Variants in FBXL17 observed in about 807,000 individuals in gnomAD.
FBXL17 encodes the protein F-box/LRR-repeat protein 17.
FBXL17 carries 22 observed loss-of-function variants against 66.2 expected under a neutral mutation model. The ratio of observed to expected loss-of-function variants is 0.33; its 90% confidence interval spans 0.24 to 0.47. The LOEUF is 0.47. Among genes scored for constraint, FBXL17 ranks in the 20% least tolerant of loss-of-function variants. The pLI, the probability that FBXL17 is intolerant of heterozygous loss-of-function variation, is 1.00. For synonymous variants in FBXL17, 474 were observed against 400.5 expected (o/e 1.18, Z -2.19); for missense variants, 878 against 948.2 (o/e 0.93, Z 0.97).
chr5:108,273,231 C>T (rs1351809728), intron 4 of FBXL17, among the ~76,000 whole-genome samples: 5 of 151,976 alleles, frequency 3.3e-5, no homozygotes, highest in Non-Finnish European at 7.4e-5. Flanking sequence ...GGAGATATAC[C>T]TAATGCTAAA....
At chr5:108,328,510 G>A (rs545261988) in intron 4 of FBXL17, among the ~76,000 whole-genome samples, 1 of 152,060 alleles carries the variant, frequency 6.6e-6, no homozygotes, top group Admixed American at 6.5e-5. Context: ...AAAATGAAAA[G>A]AGCCATAGTA....
At chr5:107,983,816 A>T (rs1413382250) in intron 7 of FBXL17, among the ~76,000 whole-genome samples, 2 of 152,134 alleles carry the variant, frequency 1.3e-5, no homozygotes, top group Non-Finnish European at 2.9e-5. Context: ...ACACATCATA[A>T]ATAGAAATGG....
chr5:108,252,607 A>G (rs1756404110), intron 4 of FBXL17, among the ~76,000 whole-genome samples: 1 of 152,150 alleles, frequency 6.6e-6, no homozygotes, highest in South Asian at 2.1e-4. Flanking sequence ...GGTTATCTGT[A>G]AGTTGGCAAT....
At chr5:108,333,755 C>A (rs1760246308) in intron 4 of FBXL17, among the ~76,000 whole-genome samples, 1 of 152,000 alleles carries the variant, frequency 6.6e-6, no homozygotes, top group Non-Finnish European at 1.5e-5. Context: ...TACAAAAACC[C>A]CAATGAGATT....
rs138703862 is a variant in FBXL17 at position 108,261,862 on chromosome 5, A to T, written c.1507-37634T>A. Among the ~76,000 whole-genome samples, 247 of 152,216 alleles carry T rather than the reference A, an allele frequency of 1.6e-3. 1 individual carries two copies. The highest frequency in any genetic ancestry group is 5.5e-3 in the African/African-American group (228 of 41,546). ...ACAGAAATAATAAAGTGAATAAATC[A>T]ACAAAATTCCAAACAAAAATGTAAT... On this transcript the variant is annotated intron_variant, in intron 4 of 8. Transcript: ENST00000542267.
intron 3 of FBXL17, among the ~76,000 whole-genome samples, chr5:108,350,971 C>T (rs938900381): frequency 6.6e-6 from 1 of 152,136 alleles, no homozygotes; most frequent in African/African-American, 2.4e-5. Context: ...ACCACTAATG[C>T]CATCACACTT....
intron 6 of FBXL17, among the ~76,000 whole-genome samples, chr5:108,148,088 C>T (rs1432879022): frequency 2.0e-5 from 3 of 151,842 alleles, no homozygotes; most frequent in Non-Finnish European, 4.4e-5. Flanking sequence ...GAGATGCAAG[C>T]AAAAACACTT....
intron 1 of FBXL17, among the ~76,000 whole-genome samples, chr5:108,370,778 G>A (rs1476152920): frequency 2.0e-5 from 3 of 151,104 alleles, no homozygotes; most frequent in South Asian, 2.1e-4. Flanking sequence ...AGTCACTAGC[G>A]AATTTGTCTC....
At position 107,859,778 on chromosome 5, in the gene FBXL17, A is replaced by C. The variant is rs758405579; in HGVS notation, c.*1942T>G. ...TTTAAAATATAGTATGACATATATAAAAATTAAACTTTTGCATATTCACTC... is the reference window on the plus strand; with the variant it reads ...TTTAAAATATAGTATGACATATATACAAATTAAACTTTTGCATATTCACTC... On this transcript the variant is annotated 3_prime_UTR_variant, in exon 9 of 9. Coordinates refer to ENST00000542267, the MANE Select transcript of FBXL17 (RefSeq NM_001163315.3). 4.2e-4 allele frequency: 64 copies of C among 152,084 alleles called. No individual in the cohort carries two copies. The highest frequency in any genetic ancestry group is 5.4e-4 in the Non-Finnish European group (37 of 68,002). 9.4% of individuals were successfully genotyped at this position (152,084 alleles called of 1,614,324 possible). A position where few individuals can be genotyped will look rare whatever the true frequency, so the allele number is the denominator to read the frequency against.
chr5:108,198,942 A>G (rs1753783644), intron 5 of FBXL17, among the ~76,000 whole-genome samples: 1 of 152,164 alleles, frequency 6.6e-6, no homozygotes, highest in South Asian at 2.1e-4. Flanking sequence ...TGATAAAAGT[A>G]TTTTTGAAAT....
At chr5:108,257,710 C>T (rs1181768683) in intron 4 of FBXL17, among the ~76,000 whole-genome samples, 18 of 152,162 alleles carry the variant, frequency 1.2e-4, no homozygotes, top group Admixed American at 9.2e-4. Flanking sequence ...ATTCTCATGC[C>T]AAAATATGTG....
Position 107,861,094 on chromosome 5 carries a change from C to T in FBXL17, c.*626G>A, listed in dbSNP as rs898989787. 6.6e-6 allele frequency: 1 copy of T among 152,298 alleles called. No homozygotes were observed. Among genetic ancestry groups the T allele is most frequent in the Middle Eastern group, 3.4e-3 (1 of 294 alleles). 9.4% of individuals were successfully genotyped at this position (152,298 alleles called of 1,614,324 possible). A position where few individuals can be genotyped will look rare whatever the true frequency, so the allele number is the denominator to read the frequency against. On this transcript the variant is annotated 3_prime_UTR_variant, in exon 9 of 9. Transcript: ENST00000542267. ...TAACAAATTTAGAAAAGGCTTTATT[C>T]TTTCTAGTCCCCAAGTCACCCACCA...
In FBXL17 at chr5:108,364,923, G is replaced by A. The variant is rs372825413; in HGVS notation, c.1189C>T (p.Arg397Cys). 21 of 1,611,992 alleles carry A rather than the reference G, an allele frequency of 1.3e-5. No individual in the cohort carries two copies. Among genetic ancestry groups the A allele is most frequent in the Middle Eastern group, 1.7e-4 (1 of 6,044 alleles). ...NIIEINISDC[R>C]SMSDNGVCVL... Reference sequence around the variant, plus strand: ...CATACGCCATTATCAGACATACTGCGACAATCAGAAATGTTGATTTCAATT... The same window carrying A: ...CATACGCCATTATCAGACATACTGCAACAATCAGAAATGTTGATTTCAATT... The change falls in exon 3 of 9, where the codon CGC becomes TGC. Residue 397 changes from arginine (R) to cysteine (C), a missense_variant. Arg to Cys is a radical substitution (Grantham distance 180). This residue lies in a region of FBXL17 where 236 missense variants were observed against 389.1 expected (regional missense o/e 0.61). Transcript: ENST00000542267.
intron 7 of FBXL17, among the ~76,000 whole-genome samples, chr5:107,995,409 A>G (rs926069499): frequency 1.3e-5 from 2 of 152,158 alleles, no homozygotes; most frequent in South Asian, 4.1e-4. Flanking sequence ...GGCTAAATGA[A>G]CTCTTTCCTA....
intron 7 of FBXL17, among the ~76,000 whole-genome samples, chr5:107,924,679 C>G (rs1750442809): frequency 6.6e-6 from 1 of 152,130 alleles, no homozygotes; most frequent in Non-Finnish European, 1.5e-5. Flanking sequence ...CTGGACTTAA[C>G]CAGGCAATTG....
chr5:108,199,216 GA>G (rs1270969667), intron 5 of FBXL17, among the ~76,000 whole-genome samples: 1 of 151,958 alleles, frequency 6.6e-6, no homozygotes, highest in Non-Finnish European at 1.5e-5. Flanking sequence ...ACATGACGAA[GA>G]TTTTTTTAAA....
chr5:108,132,557 A>G (rs1005563128), intron 6 of FBXL17, among the ~76,000 whole-genome samples: 7 of 152,046 alleles, frequency 4.6e-5, no homozygotes, highest in African/African-American at 1.7e-4. Flanking sequence ...ACAAACATTG[A>G]AAAAGTATGT....
chr5:108,173,207 A>C (rs1752671201), intron 6 of FBXL17, among the ~76,000 whole-genome samples: 2 of 152,172 alleles, frequency 1.3e-5, no homozygotes, highest in Admixed American at 6.5e-5. Flanking sequence ...AAGAAGAAAA[A>C]TATATCCTTA....
intron 7 of FBXL17, among the ~76,000 whole-genome samples, chr5:107,941,504 C>A (rs1751098605): frequency 6.6e-6 from 1 of 152,158 alleles, no homozygotes; most frequent in Non-Finnish European, 1.5e-5. Context: ...GGATGTGAAG[C>A]CACTAGGGAC....
Sources: gnomAD v4.1 joint callset for allele counts (sites outside exome capture counted in the v4.1 genomes callset) on GRCh38, gnomAD v4.1.1 for gene constraint, gnomAD v4.1.1 regional missense constraint, MANE v1.5 for transcripts, NCBI Gene and HGNC (gene_info 2026-07-23, HGNC 2026-07-21) for gene names.